CECR2: variants seen among roughly 807,000 people sequenced by gnomAD.
CECR2 encodes the protein chromatin remodeling regulator CECR2.
Under a neutral mutation model 154.5 loss-of-function variants are expected in CECR2, and 30 were observed. The observed-to-expected ratio is 0.19, with a 90% CI of 0.15 to 0.26. CECR2 has a LOEUF of 0.26. Among genes scored for constraint, CECR2 ranks in the 10% least tolerant of loss-of-function variants. CECR2 has a pLI of 1.00. For missense variants in CECR2, 1,743 were observed against 1,829.3 expected (o/e 0.95, Z 0.86); for synonymous variants, 725 against 683.7 (o/e 1.06, Z -0.94).
At chr22:17,407,319 G>T (rs1194213720) in intron 1 of CECR2, among the ~76,000 whole-genome samples, 1 of 152,234 alleles carries the variant, frequency 6.6e-6, no homozygotes, top group Non-Finnish European at 1.5e-5. Flanking sequence ...AAAGAGGCCG[G>T]GTGCGGTGGC....
At chr22:17,433,385 A>G (rs918457843) in intron 1 of CECR2, among the ~76,000 whole-genome samples, 3 of 152,204 alleles carry the variant, frequency 2.0e-5, no homozygotes, top group African/African-American at 7.2e-5. Context: ...TGATTTGCTC[A>G]AAGAAGTTAA....
intron 1 of CECR2, among the ~76,000 whole-genome samples, chr22:17,472,566 AT>A (rs1344405942): frequency 1.3e-5 from 2 of 151,488 alleles, no homozygotes; most frequent in East Asian, 1.9e-4. Flanking sequence ...AACAAACACG[AT>A]TTTTTTTTCT....
rs695569 is a variant in CECR2 at position 17,552,774 on chromosome 22, G to GTTTT, written c.4390-51_4390-48dup. ...CTTGGACATTCTTTGGCTTACTTAA[G>GTTTT]TTTTTTTTTTTTTAACAACCCAATT... On this transcript the variant is annotated intron_variant, in intron 18 of 18. Coordinates refer to ENST00000262608, the MANE Select transcript of CECR2 (RefSeq NM_001290047.2). 5.8e-4 allele frequency: 550 copies of GTTTT among 942,802 alleles called. 7 individuals are homozygous for GTTTT. Among genetic ancestry groups the GTTTT allele is most frequent in the South Asian group, 9.4e-4 (58 of 61,796 alleles). The allele number at this position is 942,802 out of a possible 1,614,324, so 58.4% of individuals were successfully genotyped here. A position where few individuals can be genotyped will look rare whatever the true frequency, so the allele number is the denominator to read the frequency against.
chr22:17,372,060 C>T (rs2063067879), intron 1 of CECR2, among the ~76,000 whole-genome samples: 1 of 152,198 alleles, frequency 6.6e-6, no homozygotes, highest in Admixed American at 6.5e-5. Flanking sequence ...ACTGTCCTCT[C>T]TTTTGACTCC....
intron 16 of CECR2, among the ~76,000 whole-genome samples, chr22:17,546,946 TGA>T (rs2056623257): frequency 7.0e-6 from 1 of 142,996 alleles, no homozygotes; most frequent in Non-Finnish European, 1.5e-5. Context: ...GTCTGGGTCA[TGA>T]GAGTCACTTG....
intron 1 of CECR2, chr22:17,419,510 G>GGAAGAA (rs374747773): frequency 4.1e-4 from 68 of 165,166 alleles, no homozygotes; most frequent in Non-Finnish European, 4.5e-4. Context: ...AGGAAGAGGA[G>GGAAGAA]GAAGAAGAAG....
chr22:17,480,904 G>A (rs910500149), intron 2 of CECR2, among the ~76,000 whole-genome samples: 4 of 151,946 alleles, frequency 2.6e-5, no homozygotes, highest in Non-Finnish European at 5.9e-5. Context: ...GCCAGGCGTG[G>A]TGGTGCACGC....
chr22:17,436,726 G>A (rs2054512193), intron 1 of CECR2, among the ~76,000 whole-genome samples: 1 of 152,204 alleles, frequency 6.6e-6, no homozygotes, highest in African/African-American at 2.4e-5. Flanking sequence ...TATAAATAGC[G>A]GGTGCTCACA....
At chr22:17,511,702 C>T in intron 7 of CECR2, 111 bp from the exon 8 acceptor site, 2 of 800,154 alleles carry the variant, frequency 2.5e-6, no homozygotes, top group African/African-American at 1.7e-5. Context: ...TGGCCCTAAC[C>T]TGTGTGCCTC....
intron 1 of CECR2, among the ~76,000 whole-genome samples, chr22:17,403,603 G>A (rs2053929375): frequency 6.6e-6 from 1 of 152,052 alleles, no homozygotes; most frequent in Non-Finnish European, 1.5e-5. Flanking sequence ...CAGTAGTGGG[G>A]GGCGAAGGGC....
chr22:17,414,213 C>A (rs1474310603), intron 1 of CECR2, among the ~76,000 whole-genome samples: 1 of 152,106 alleles, frequency 6.6e-6, no homozygotes, highest in Non-Finnish European at 1.5e-5. Context: ...ACCTCGTGAT[C>A]CGCCCGCCTT....
At chr22:17,509,086 A>C (rs1219584816) in intron 7 of CECR2, among the ~76,000 whole-genome samples, 1 of 152,170 alleles carries the variant, frequency 6.6e-6, no homozygotes, top group Admixed American at 6.6e-5. Context: ...CCCCATCTCT[A>C]CTAAAAATGC....
intron 7 of CECR2, among the ~76,000 whole-genome samples, chr22:17,509,961 A>C (rs891902164): frequency 4.6e-5 from 7 of 152,232 alleles, no homozygotes; most frequent in Non-Finnish European, 8.8e-5. Flanking sequence ...TGATGGCCAT[A>C]TAAAAGTTTA....
intron 1 of CECR2, among the ~76,000 whole-genome samples, chr22:17,430,847 T>C (rs2054410451): frequency 6.6e-6 from 1 of 152,164 alleles, no homozygotes; most frequent in African/African-American, 2.4e-5. Flanking sequence ...ATAATAGTTA[T>C]AGTCAAATCA....
chr22:17,515,507 T>C (rs2056035350), intron 8 of CECR2, among the ~76,000 whole-genome samples: 1 of 152,260 alleles, frequency 6.6e-6, no homozygotes, highest in South Asian at 2.1e-4. Flanking sequence ...CCTCTATGCA[T>C]TTATTGCATA....
At chr22:17,393,586 T>A (rs2053763135) in intron 1 of CECR2, among the ~76,000 whole-genome samples, 1 of 152,206 alleles carries the variant, frequency 6.6e-6, no homozygotes, top group South Asian at 2.1e-4. Flanking sequence ...GTGAACTGCC[T>A]GGTTATAGAG....
At chr22:17,441,911 C>T (rs1033986846) in intron 1 of CECR2, among the ~76,000 whole-genome samples, 2 of 152,206 alleles carry the variant, frequency 1.3e-5, no homozygotes, top group African/African-American at 4.8e-5. Context: ...GGTGATATCA[C>T]ACACCATACT....
chr22:17,379,581 GGT>G (rs60634016), intron 1 of CECR2, among the ~76,000 whole-genome samples: 11,245 of 137,684 alleles, frequency 0.082, 549 homozygotes, highest in African/African-American at 0.16. Context: ...CTACGTTGAA[GGT>G]GTGTGTGTGT....
intron 1 of CECR2, among the ~76,000 whole-genome samples, chr22:17,463,093 A>G (rs1433494723): frequency 2.0e-5 from 3 of 152,204 alleles, no homozygotes; most frequent in Non-Finnish European, 4.4e-5. Flanking sequence ...GGGACGAGAC[A>G]GTGACTGGAC....
Sources: allele counts gnomAD v4.1 joint callset (sites outside exome capture counted in the v4.1 genomes callset), GRCh38; gene constraint gnomAD v4.1.1; transcripts MANE v1.5; gene names NCBI Gene and HGNC (gene_info 2026-07-23, HGNC 2026-07-21).